The following DMD variants were observed in gnomAD, a reference collection of about 807,000 sequenced individuals.
DMD encodes the protein mutant dystrophin.
DMD carries 63 observed loss-of-function variants against 330.1 expected under a neutral mutation model. The observed-to-expected ratio is 0.19, with a 90% CI of 0.16 to 0.24. The LOEUF is 0.24. Among genes scored for constraint, DMD ranks in the 10% least tolerant of loss-of-function variants. DMD has a pLI of 1.00. For synonymous variants in DMD, 1,223 were observed against 959.8 expected (o/e 1.27, Z -5.07); for missense variants, 3,344 against 2,684.1 (o/e 1.25, Z -5.43).
intron 7 of DMD, among the ~76,000 whole-genome samples, chrX:32,809,023 G>A (rs895746950): frequency 8.9e-6 from 1 of 112,030 alleles, no homozygotes; most frequent in Admixed American, 9.5e-5. Flanking sequence ...GATCTCCCCA[G>A]AGTGAAAAAT....
chrX:32,687,212 A>G (rs1339332568), intron 9 of DMD, among the ~76,000 whole-genome samples: 1 of 112,175 alleles, frequency 8.9e-6, no homozygotes, highest in Non-Finnish European at 1.9e-5. Flanking sequence ...TAAAACAAGT[A>G]CAGTCATCAG....
chrX:32,224,872 C>T (rs2097142370), intron 43 of DMD, among the ~76,000 whole-genome samples: 1 of 111,661 alleles, frequency 9.0e-6, no homozygotes, highest in South Asian at 3.7e-4. Context: ...CCCCTCTCTT[C>T]GCTGTTGAAA....
At chrX:31,701,908 TC>T (rs2083838294) in intron 52 of DMD, among the ~76,000 whole-genome samples, 1 of 112,833 alleles carries the variant, frequency 8.9e-6, no homozygotes, top group Non-Finnish European at 1.9e-5. Flanking sequence ...ACCCACTATT[TC>T]CACATCCACA....
intron 74 of DMD, among the ~76,000 whole-genome samples, chrX:31,148,655 C>T (rs1439416769): frequency 8.9e-6 from 1 of 111,950 alleles, no homozygotes; most frequent in Non-Finnish European, 1.9e-5. Flanking sequence ...GGTGCTTTTA[C>T]CAATTTACTC....
chrX:31,368,715 G>A (rs1314149110), intron 60 of DMD, among the ~76,000 whole-genome samples: 1 of 109,320 alleles, frequency 9.1e-6, no homozygotes, highest in African/African-American at 3.3e-5. Context: ...GTGCAATCTC[G>A]GCTCAGTGCA....
At chrX:31,507,820 A>T (rs2071102171) in intron 55 of DMD, among the ~76,000 whole-genome samples, 1 of 111,924 alleles carries the variant, frequency 8.9e-6, no homozygotes, top group Admixed American at 9.5e-5. Flanking sequence ...AGTGTACCCC[A>T]GTGCCAATAA....
At chrX:32,498,012 CCTT>C (rs1330369673) in intron 19 of DMD, among the ~76,000 whole-genome samples, 2 of 111,025 alleles carry the variant, frequency 1.8e-5, no homozygotes, top group African/African-American at 6.5e-5. Context: ...TAAAAATAAA[CCTT>C]AAAGTTATAT....
chrX:31,940,815 A>C (rs1053071570), intron 45 of DMD, among the ~76,000 whole-genome samples: 1 of 110,835 alleles, frequency 9.0e-6, no homozygotes, highest in Non-Finnish European at 1.9e-5. Context: ...TTGAGGCAGG[A>C]GTGTAGTAAG....
At chrX:32,355,182 T>C (rs1029224493) in intron 37 of DMD, among the ~76,000 whole-genome samples, 1 of 111,426 alleles carries the variant, frequency 9.0e-6, no homozygotes, top group Non-Finnish European at 1.9e-5. Context: ...TGAAGTGAAA[T>C]TGGGTATGTT....
intron 9 of DMD, among the ~76,000 whole-genome samples, chrX:32,674,567 CGGTTTTTGTGCAAG>C (rs2147241216): frequency 9.0e-6 from 1 of 111,166 alleles, no homozygotes; most frequent in South Asian, 3.8e-4. Flanking sequence ...GATATGCGCT[CGGTTTTTGTGCAAG>C]CCAAGTGGGA....
chrX:32,008,481 ACCTG>A (rs1299383667), intron 44 of DMD, among the ~76,000 whole-genome samples: 1 of 111,467 alleles, frequency 9.0e-6, no homozygotes, highest in Non-Finnish European at 1.9e-5. Flanking sequence ...AAAAAAAATT[ACCTG>A]AATTTACACA....
At chrX:33,041,477 A>C (rs2094300315) in intron 1 of DMD, 1 of 1,204,436 alleles carries the variant, frequency 8.3e-7, no homozygotes, top group Non-Finnish European at 1.1e-6. Flanking sequence ...ATGTATGAAA[A>C]AGAGGCAAAA....
intron 1 of DMD, among the ~76,000 whole-genome samples, chrX:33,091,467 C>T (rs1315588422): frequency 9.0e-6 from 1 of 111,656 alleles, no homozygotes; most frequent in Non-Finnish European, 1.9e-5. Context: ...TGAGGAGTCC[C>T]ACAGCTTTTA....
intron 1 of DMD, among the ~76,000 whole-genome samples, chrX:33,230,423 T>G (rs972078807): frequency 9.0e-6 from 1 of 111,283 alleles, no homozygotes; most frequent in Non-Finnish European, 1.9e-5. Context: ...TTCTTAAGTA[T>G]CTTAAAACCC....
chrX:32,817,993 C>A (rs991542329), intron 5 of DMD, among the ~76,000 whole-genome samples: 10 of 112,175 alleles, frequency 8.9e-5, no homozygotes, highest in African/African-American at 2.6e-4. Context: ...CTAATTCCTT[C>A]TTGACCTACT....
chrX:32,966,508 C>A (rs1225410855), intron 2 of DMD, among the ~76,000 whole-genome samples: 1 of 111,725 alleles, frequency 9.0e-6, no homozygotes, highest in African/African-American at 3.2e-5. Flanking sequence ...ACAAGTCACT[C>A]TTTGGGGTCC....
intron 7 of DMD, among the ~76,000 whole-genome samples, chrX:32,731,893 C>A (rs966386285): frequency 8.9e-6 from 1 of 112,175 alleles, no homozygotes; most frequent in Non-Finnish European, 1.9e-5. Flanking sequence ...TCACTAGCAA[C>A]GGAACAAAGC....
chrX:33,172,895 C>T (rs983587848), intron 1 of DMD, among the ~76,000 whole-genome samples: 1 of 110,615 alleles, frequency 9.0e-6, no homozygotes, highest in African/African-American at 3.3e-5. Flanking sequence ...GAGATACTTG[C>T]CATAAGGTGA....
chrX:31,923,156 G>C (rs1356341507), intron 47 of DMD, among the ~76,000 whole-genome samples: 1 of 111,909 alleles, frequency 8.9e-6, no homozygotes, highest in Non-Finnish European at 1.9e-5. Flanking sequence ...AGAGCAAATT[G>C]AGATGTACTC....
Sources: allele counts gnomAD v4.1 joint callset (sites outside exome capture counted in the v4.1 genomes callset), GRCh38; gene constraint gnomAD v4.1.1; transcripts MANE v1.5; gene names NCBI Gene and HGNC (gene_info 2026-07-23, HGNC 2026-07-21).